Variants in BRD10 observed in about 807,000 individuals in gnomAD.
BRD10 encodes bromodomain containing 10.
At chr9:5,954,374 G>A in the BRD10 span, among the ~76,000 whole-genome samples, 1 of 152,092 alleles carries the variant, frequency 6.6e-6, no homozygotes, top group African/African-American at 2.4e-5. Context: ...GCAAGATTAG[G>A]CAAAAAAGTC....
the BRD10 span, chr9:5,968,157 ATTTCTTTTT>A: frequency 6.9e-6 from 11 of 1,597,834 alleles, no homozygotes; most frequent in Admixed American, 8.8e-5. Context: ...ACATCTTTCA[ATTTCTTTTT>A]TTTCTTTTTC....
chr9:5,932,795 C>A, the BRD10 span, among the ~76,000 whole-genome samples: 48 of 152,152 alleles, frequency 3.2e-4, 1 homozygote, highest in East Asian at 9.1e-3. Context: ...TTCTTGGACC[C>A]CACAAAGACA....
the BRD10 span, chr9:6,007,947 G>C: frequency 5.2e-5 from 68 of 1,312,112 alleles, 1 homozygote; most frequent in Admixed American, 4.5e-4. Flanking sequence ...TGCGCGCGGG[G>C]GTCTTGAGCT....
At chr9:5,969,651 C>A in the BRD10 span, among the ~76,000 whole-genome samples, 1 of 152,182 alleles carries the variant, frequency 6.6e-6, no homozygotes, top group African/African-American at 2.4e-5. Context: ...TCAAGCAATT[C>A]TCCTGCCTCA....
chr9:5,955,621 G>C, the BRD10 span, among the ~76,000 whole-genome samples: 1 of 149,494 alleles, frequency 6.7e-6, no homozygotes, highest in Non-Finnish European at 1.5e-5. Context: ...TGTATACTAT[G>C]ACTGAACTGC....
the BRD10 span, among the ~76,000 whole-genome samples, chr9:5,905,534 T>C: frequency 6.6e-6 from 1 of 152,202 alleles, no homozygotes; most frequent in African/African-American, 2.4e-5. Flanking sequence ...CCATATAATG[T>C]GGTATACTTT....
chr9:5,978,335 G>C, the BRD10 span, among the ~76,000 whole-genome samples: 4 of 146,650 alleles, frequency 2.7e-5, no homozygotes, highest in Non-Finnish European at 5.9e-5. Flanking sequence ...TACCATGTGT[G>C]ACAACACAAA....
chr9:5,904,792 G>A, the BRD10 span, among the ~76,000 whole-genome samples: 2 of 92,932 alleles, frequency 2.2e-5, no homozygotes, highest in Non-Finnish European at 4.5e-5. Flanking sequence ...TTTTTTTTTT[G>A]AGACGGAGTC....
the BRD10 span, among the ~76,000 whole-genome samples, chr9:5,949,895 C>CT: frequency 6.6e-6 from 1 of 152,060 alleles, no homozygotes. Flanking sequence ...GTCTAATAGT[C>CT]TTTCTTTGAT....
At chr9:5,915,657 C>T in the BRD10 span, among the ~76,000 whole-genome samples, 1 of 152,186 alleles carries the variant, frequency 6.6e-6, no homozygotes, top group East Asian at 1.9e-4. Flanking sequence ...GCAGTCATAG[C>T]ACAAATGCCA....
chr9:5,967,599 T>C, the BRD10 span, among the ~76,000 whole-genome samples: 2 of 151,646 alleles, frequency 1.3e-5, no homozygotes, highest in African/African-American at 2.4e-5. Flanking sequence ...CTGACTACCC[T>C]TGGTTTAAGC....
At chr9:5,951,035 T>TAC in the BRD10 span, among the ~76,000 whole-genome samples, 11,599 of 141,604 alleles carry the variant, frequency 0.082, 568 homozygotes, top group Non-Finnish European at 0.12. Flanking sequence ...GGGCTGACTG[T>TAC]ACACACACAC....
At chr9:5,932,414 A>AT in the BRD10 span, among the ~76,000 whole-genome samples, 1 of 152,176 alleles carries the variant, frequency 6.6e-6, no homozygotes, top group African/African-American at 2.4e-5. Flanking sequence ...ATATAAAATA[A>AT]TTTGGAAGAA....
the BRD10 span, among the ~76,000 whole-genome samples, chr9:5,961,463 G>T: frequency 1.3e-4 from 19 of 151,932 alleles, no homozygotes; most frequent in African/African-American, 3.9e-4. Context: ...AATTTTTTTT[G>T]CTCTGAGTTT....
chr9:5,936,769 G>C, the BRD10 span, among the ~76,000 whole-genome samples: 7 of 152,072 alleles, frequency 4.6e-5, no homozygotes, highest in Admixed American at 3.3e-4. Flanking sequence ...ATGATGTAAA[G>C]CTCATTTTTT....
the BRD10 span, among the ~76,000 whole-genome samples, chr9:5,958,459 G>A: frequency 1.3e-5 from 2 of 151,992 alleles, no homozygotes; most frequent in Non-Finnish European, 2.9e-5. Context: ...TCAGACCTCT[G>A]GGCTACTCAT....
At chr9:6,002,379 C>G in the BRD10 span, among the ~76,000 whole-genome samples, 1 of 151,936 alleles carries the variant, frequency 6.6e-6, no homozygotes, top group African/African-American at 2.4e-5. Context: ...TCCATAGGTT[C>G]TGAACATGAG....
At chr9:5,882,033 C>T in the BRD10 span, among the ~76,000 whole-genome samples, 1 of 152,158 alleles carries the variant, frequency 6.6e-6, no homozygotes, top group Non-Finnish European at 1.5e-5. Context: ...CGGGGAGCTC[C>T]CGGCAACCTT....
the BRD10 span, among the ~76,000 whole-genome samples, chr9:5,967,604 TTAAG>T: frequency 6.6e-6 from 1 of 151,152 alleles, no homozygotes; most frequent in East Asian, 1.9e-4. Context: ...TACCCTTGGT[TTAAG>T]CAGCTAGTTG....
Sources: gnomAD v4.1 joint callset for allele counts (sites outside exome capture counted in the v4.1 genomes callset) on GRCh38, gnomAD v4.1.1 for gene constraint, MANE v1.5 for transcripts, NCBI Gene and HGNC (gene_info 2026-07-23, HGNC 2026-07-21) for gene names.